Variants in ANKRD31 observed in about 807,000 individuals in gnomAD.
The protein encoded by ANKRD31 is ankyrin repeat domain-containing protein 31.
Under a neutral mutation model 186.0 loss-of-function variants are expected in ANKRD31, and 147 were observed. The observed-to-expected ratio is 0.79, with a 90% CI of 0.69 to 0.91. The LOEUF (loss-of-function observed/expected upper bound fraction) is 0.91, where lower values mean the gene tolerates loss of function less well. Among genes scored for constraint, ANKRD31 ranks in the 40% least tolerant of loss-of-function variants. The pLI is 0.00. For synonymous variants in ANKRD31, 673 were observed against 736.4 expected (o/e 0.91, Z 1.39); for missense variants, 1,986 against 2,148.8 (o/e 0.92, Z 1.50).
intron 1 of ANKRD31, among the ~76,000 whole-genome samples, chr5:75,235,696 G>GA: frequency 6.6e-6 from 1 of 152,268 alleles, no homozygotes; most frequent in East Asian, 1.9e-4. Flanking sequence ...GGCAACTGGG[G>GA]AACATAAAAC....
intron 25 of ANKRD31, among the ~76,000 whole-genome samples, chr5:75,076,917 T>A (rs1236117785): frequency 1.3e-5 from 2 of 152,198 alleles, no homozygotes; most frequent in African/African-American, 2.4e-5. Flanking sequence ...ACAAAATGAT[T>A]AACAATTATC....
chr5:75,097,782 T>C (rs1335339878), intron 22 of ANKRD31, among the ~76,000 whole-genome samples: 1 of 152,226 alleles, frequency 6.6e-6, no homozygotes, highest in Non-Finnish European at 1.5e-5. Context: ...AGGGTTTTTA[T>C]GGTTTTAGGT....
intron 11 of ANKRD31, among the ~76,000 whole-genome samples, chr5:75,159,279 C>T (rs949126512): frequency 6.6e-6 from 1 of 151,802 alleles, no homozygotes; most frequent in Non-Finnish European, 1.5e-5. Context: ...TACAGGAGTT[C>T]CAGAAAGACA....
chr5:75,073,725 TAA>T (rs961494301), intron 25 of ANKRD31, among the ~76,000 whole-genome samples: 12 of 152,236 alleles, frequency 7.9e-5, no homozygotes, highest in African/African-American at 2.9e-4. Context: ...AAGCTTTCTG[TAA>T]AACTGTAAAG....
At chr5:75,092,616 A>G (rs1746007380) in intron 22 of ANKRD31, among the ~76,000 whole-genome samples, 1 of 152,196 alleles carries the variant, frequency 6.6e-6, no homozygotes, top group South Asian at 2.1e-4. Context: ...GCAAATAGCA[A>G]TAAGAAGTCC....
intron 4 of ANKRD31, among the ~76,000 whole-genome samples, chr5:75,208,612 A>C (rs1029646159): frequency 1.3e-5 from 2 of 152,248 alleles, no homozygotes; most frequent in Non-Finnish European, 2.9e-5. Context: ...CTCTAAGGCC[A>C]GGTGACAGGA....
At chr5:75,131,723 T>C (rs1749852956) in intron 17 of ANKRD31, among the ~76,000 whole-genome samples, 1 of 152,186 alleles carries the variant, frequency 6.6e-6, no homozygotes, top group Non-Finnish European at 1.5e-5. Context: ...CAAGTGGGTC[T>C]GTGACCCCCA....
intron 17 of ANKRD31, among the ~76,000 whole-genome samples, chr5:75,137,274 T>C (rs534794430): frequency 5.8e-4 from 88 of 152,296 alleles, no homozygotes; most frequent in African/African-American, 2.0e-3. Flanking sequence ...AAGGGTTTTC[T>C]CCTATGCTTT....
At chr5:75,092,979 A>G (rs1176289172) in intron 22 of ANKRD31, among the ~76,000 whole-genome samples, 2 of 152,222 alleles carry the variant, frequency 1.3e-5, no homozygotes, top group Non-Finnish European at 2.9e-5. Flanking sequence ...TAAAACATTT[A>G]CCAAAGAGGC....
At chr5:75,224,645 T>C (rs1470128010) in intron 2 of ANKRD31, among the ~76,000 whole-genome samples, 1 of 152,052 alleles carries the variant, frequency 6.6e-6, no homozygotes, top group East Asian at 1.9e-4. Context: ...TGCCAAAATA[T>C]TCCAAACATT....
In ANKRD31 at chr5:75,148,463, T is replaced by C. The variant is rs992723036; in HGVS notation, c.1905+113A>G. The C allele has an allele frequency of 7.2e-6, 5 of 691,142 alleles. No homozygotes were observed. The African/African-American group carries it at 9.3e-5, about 13-fold the overall frequency. The allele number at this position is 691,142 out of a possible 1,614,324, so 42.8% of individuals were successfully genotyped here. On this transcript the variant is annotated intron_variant, in intron 13 of 25. Coordinates refer to ENST00000506364, the MANE Select transcript of ANKRD31 (RefSeq NM_001372053.1). ...ATTATTCTAGTGTCTTAAAAGCAAA[T>C]GTGAAGTCATTATTACTAAAGCTTC...
At chr5:75,161,701 A>G (rs1341734375) in intron 11 of ANKRD31, among the ~76,000 whole-genome samples, 1 of 152,122 alleles carries the variant, frequency 6.6e-6, no homozygotes, top group Admixed American at 6.5e-5. Flanking sequence ...AAATGGTTTC[A>G]TGGGCCCGGG....
At chr5:75,174,622 T>G (rs1464156670) in intron 10 of ANKRD31, among the ~76,000 whole-genome samples, 1 of 152,072 alleles carries the variant, frequency 6.6e-6, no homozygotes, top group Non-Finnish European at 1.5e-5. Flanking sequence ...AACAGACACA[T>G]GAAAAAATGC....
chr5:75,126,961 T>C (rs1561448840), intron 17 of ANKRD31, among the ~76,000 whole-genome samples: 1 of 152,092 alleles, frequency 6.6e-6, no homozygotes, highest in Non-Finnish European at 1.5e-5. Flanking sequence ...GGTGGGCAGA[T>C]CAACTGAGGT....
chr5:75,166,470 TAAAACAAAAACA>T (rs1029931674), intron 11 of ANKRD31, among the ~76,000 whole-genome samples: 2 of 151,932 alleles, frequency 1.3e-5, no homozygotes, highest in Non-Finnish European at 2.9e-5. Context: ...AACTCTTGTC[TAAAACAAAAACA>T]AAAACAAAAA....
chr5:75,174,953 A>G (rs1361237944), intron 10 of ANKRD31, among the ~76,000 whole-genome samples: 1 of 152,238 alleles, frequency 6.6e-6, no homozygotes, highest in Non-Finnish European at 1.5e-5. Flanking sequence ...GGCACTATTC[A>G]CAATAGCAAA....
intron 20 of ANKRD31, among the ~76,000 whole-genome samples, chr5:75,111,934 T>G (rs1417952750): frequency 6.6e-6 from 1 of 152,168 alleles, no homozygotes; most frequent in Non-Finnish European, 1.5e-5. Flanking sequence ...GATCTACTTT[T>G]AAGGGTTACC....
At position 75,091,365 on chromosome 5, in the gene ANKRD31, T is replaced by C. The variant is rs1344281780; in HGVS notation, c.5368A>G (p.Lys1790Glu). 1 of 1,536,980 alleles carries C rather than the reference T, an allele frequency of 6.5e-7. No homozygotes were observed. The highest frequency in any genetic ancestry group is 8.7e-7 in the Non-Finnish European group (1 of 1,146,848). ...THKASILLNG[K>E]LKVESGQIYK... ...ATCTGACCACTTTCTACCTTAAGTT[T>C]ACCATTCAATAAAATACTGGCTTTG... is the stretch of plus-strand genomic sequence containing the variant. The change falls in exon 23 of 26, where the codon AAA becomes GAA. Residue 1790 changes from lysine to glutamate, a missense_variant. Coordinates refer to ENST00000506364, the MANE Select transcript of ANKRD31 (RefSeq NM_001372053.1).
intron 11 of ANKRD31, among the ~76,000 whole-genome samples, chr5:75,160,237 A>G (rs1183381798): frequency 6.6e-6 from 1 of 152,112 alleles, no homozygotes; most frequent in Non-Finnish European, 1.5e-5. Flanking sequence ...TACGGAAACA[A>G]TGTTTCTATA....
Sources: gnomAD v4.1 joint callset for allele counts (sites outside exome capture counted in the v4.1 genomes callset) on GRCh38, gnomAD v4.1.1 for gene constraint, MANE v1.5 for transcripts, NCBI Gene and HGNC (gene_info 2026-07-23, HGNC 2026-07-21) for gene names.